USP48: variants seen among roughly 807,000 people sequenced by gnomAD.
The protein encoded by USP48 is ubiquitin carboxyl-terminal hydrolase 48.
Under a neutral mutation model 150.7 loss-of-function variants are expected in USP48, and 43 were observed. The observed-to-expected ratio is 0.29, with a 90% confidence interval of 0.22 to 0.37. USP48 has a LOEUF of 0.37. USP48 is among the 10% of genes least tolerant of loss of function. The probability of loss-of-function intolerance (pLI) is 1.00; values close to 1 mark genes in which losing one functional copy is unlikely to be tolerated. For synonymous variants in USP48, 396 were observed against 425.9 expected, an observed-to-expected ratio of 0.93 and a Z score of 0.86; for missense variants, 813 against 1,249.6, an observed-to-expected ratio of 0.65 and a Z score of 5.27.
intron 14 of USP48, among the ~76,000 whole-genome samples, chr1:21,716,827 G>A (rs1344317125): frequency 1.3e-5 from 2 of 151,816 alleles, no homozygotes; most frequent in Non-Finnish European, 2.9e-5. Flanking sequence ...AGGAGATCGA[G>A]ACCATCCTGG....
At chr1:21,732,437 G>T (rs1168118455) in intron 9 of USP48, among the ~76,000 whole-genome samples, 1 of 152,052 alleles carries the variant, frequency 6.6e-6, no homozygotes, top group African/African-American at 2.4e-5. Context: ...CGTCACAAAA[G>T]AAAGATATAA....
chr1:21,684,894 T>C (rs989720654), intron 25 of USP48, among the ~76,000 whole-genome samples: 1 of 152,170 alleles, frequency 6.6e-6, no homozygotes, highest in South Asian at 2.1e-4. Flanking sequence ...TTCTGTTCCA[T>C]TGTCCTATGT....
chr1:21,706,612 A>G, intron 16 of USP48, 23 bp from the exon 17 acceptor site: 1 of 1,614,106 alleles, frequency 6.2e-7, no homozygotes, highest in African/African-American at 1.3e-5. Flanking sequence ...GAAGCAATCA[A>G]CTGTCTCCTG....
At chr1:21,742,108 G>A (rs1216359089) in intron 8 of USP48, among the ~76,000 whole-genome samples, 1 of 152,024 alleles carries the variant, frequency 6.6e-6, no homozygotes, top group Non-Finnish European at 1.5e-5. Flanking sequence ...CTACCCTAGG[G>A]GGCATTTTCA....
intron 3 of USP48, among the ~76,000 whole-genome samples, chr1:21,754,031 C>G (rs532955879): frequency 1.5e-3 from 231 of 151,694 alleles, no homozygotes; most frequent in African/African-American, 5.5e-3. Flanking sequence ...CATGGTAGTA[C>G]ACGCCTGTAA....
chr1:21,747,692 C>T (rs1161790579), intron 7 of USP48, among the ~76,000 whole-genome samples: 2 of 152,162 alleles, frequency 1.3e-5, no homozygotes, highest in Non-Finnish European at 1.5e-5. Context: ...CCTGCCTCAG[C>T]CTCCCCAGTA....
At chr1:21,699,162 T>C (rs12041860) in intron 22 of USP48, among the ~76,000 whole-genome samples, 3 of 147,720 alleles carry the variant, frequency 2.0e-5, no homozygotes, top group African/African-American at 7.5e-5. Context: ...CCCCAGTACC[T>C]GGGATTACAG....
chr1:21,748,321 C>T (rs1395148609), intron 6 of USP48, 50 bp from the exon 7 acceptor site: 3 of 1,523,828 alleles, frequency 2.0e-6, no homozygotes, highest in African/African-American at 2.8e-5. Context: ...GGGTTTAAAA[C>T]AAGTGATAAA....
At chr1:21,782,682 C>G (rs1040960120) in intron 1 of USP48, 142 bp downstream of exon 1, 1 of 1,305,492 alleles carries the variant, frequency 7.7e-7, no homozygotes, top group Non-Finnish European at 1.0e-6. Flanking sequence ...GCGCAGACGG[C>G]GCAAAGGGGG....
intron 8 of USP48, among the ~76,000 whole-genome samples, chr1:21,738,219 G>A (rs1017760450): frequency 1.3e-5 from 2 of 151,706 alleles, no homozygotes; most frequent in African/African-American, 2.4e-5. Context: ...CACCACACCC[G>A]GCTAATTTTT....
rs186548728 is a variant in USP48, at chr1:21,769,387, T to C, written c.135-11604A>G. ...TAGACGTTGGGGTCTTACTTGGGGG[T>C]GGAGGGTGGGAGGAGGGAGGGGAGC... On this transcript the variant is annotated intron_variant, in intron 1 of 26. Transcript: ENST00000308271. Among the ~76,000 whole-genome samples the C allele has an allele frequency of 1.9e-4, 27 of 139,912 alleles. No homozygotes were observed. In the East Asian group the frequency reaches 4.8e-3, roughly 25 times the overall value. The allele number at this position is 139,912 out of a possible 152,430, so 91.8% of individuals were successfully genotyped here. A position where few individuals can be genotyped will look rare whatever the true frequency, so the allele number is the denominator to read the frequency against.
At chr1:21,721,390 T>A (rs975208255) in intron 13 of USP48, among the ~76,000 whole-genome samples, 2 of 152,236 alleles carry the variant, frequency 1.3e-5, no homozygotes, top group African/African-American at 4.8e-5. Flanking sequence ...ATCCTGCTTT[T>A]CCTACCTTCA....
chr1:21,689,305 A>G (rs2097589938), intron 24 of USP48, among the ~76,000 whole-genome samples: 1 of 142,952 alleles, frequency 7.0e-6, no homozygotes, highest in Non-Finnish European at 1.5e-5. Context: ...CATCTAGTCC[A>G]AAAAAAGGAA....
At chr1:21,779,234 A>AAAAT (rs1233040092) in intron 1 of USP48, among the ~76,000 whole-genome samples, 7 of 152,058 alleles carry the variant, frequency 4.6e-5, no homozygotes, top group African/African-American at 1.4e-4. Context: ...GACCTCATTA[A>AAAAT]AAATAAATAA....
chr1:21,756,138 G>A (rs576069614), intron 3 of USP48, among the ~76,000 whole-genome samples: 22 of 150,476 alleles, frequency 1.5e-4, no homozygotes, highest in Non-Finnish European at 2.2e-4. Context: ...GCACTAGAGC[G>A]TGGGCAACAA....
rs558797655 is a variant in USP48 at position 21,685,523 on chromosome 1, C to A, written c.3058+1668G>T. Among the ~76,000 whole-genome samples, 4 of 152,214 alleles carry A rather than the reference C, an allele frequency of 2.6e-5. No individual in the cohort carries two copies. The South Asian group carries it at 8.3e-4, about 32-fold the overall frequency. ...AGAGATGGGGTTTCGCCATGTTGGC[C>A]AGGCTGGTCACAAACTCCTGACTTC... On this transcript the variant is annotated intron_variant, in intron 25 of 26. Transcript: ENST00000308271.
chr1:21,757,804 T>C (rs1049000194), intron 1 of USP48, 21 bp from the exon 2 acceptor site: 4 of 1,569,894 alleles, frequency 2.5e-6, no homozygotes, highest in Non-Finnish European at 3.4e-6. Context: ...AAAAAAAACC[T>C]TTAATTTTTA....
intron 24 of USP48, among the ~76,000 whole-genome samples, chr1:21,687,713 G>C (rs1319340178): frequency 6.6e-6 from 1 of 152,244 alleles, no homozygotes; most frequent in Non-Finnish European, 1.5e-5. Context: ...GGAAGCTTAT[G>C]ATGTCTGAGC....
At chr1:21,757,904 A>C in intron 1 of USP48, 121 bp from the exon 2 acceptor site, 2 of 1,247,708 alleles carry the variant, frequency 1.6e-6, no homozygotes, top group Non-Finnish European at 2.1e-6. Context: ...GAGAAAGTAT[A>C]AGACACTCAG....
Sources: allele counts gnomAD v4.1 joint callset (sites outside exome capture counted in the v4.1 genomes callset), GRCh38; gene constraint gnomAD v4.1.1; transcripts MANE v1.5; gene names NCBI Gene and HGNC (gene_info 2026-07-23, HGNC 2026-07-21).